MOV10: variants seen among roughly 807,000 people sequenced by gnomAD.
MOV10 encodes Mov10 RNA helicase.
MOV10 carries 39 observed loss-of-function variants against 108.4 expected under a neutral mutation model. That is an observed-to-expected ratio of 0.36 (90% CI 0.28 to 0.47). The LOEUF (loss-of-function observed/expected upper bound fraction) is 0.47. Among genes scored for constraint, MOV10 ranks in the 20% least tolerant of loss-of-function variants. The pLI is 1.00. For synonymous variants in MOV10, 490 were observed against 523.1 expected (o/e 0.94, Z 0.86); for missense variants, 952 against 1,297.6 (o/e 0.73, Z 4.09).
intron 2 of MOV10, among the ~76,000 whole-genome samples, chr1:112,687,674 A>G (rs1256043303): frequency 1.3e-5 from 2 of 152,150 alleles, no homozygotes; most frequent in East Asian, 3.9e-4. Flanking sequence ...ACTCTAGCAC[A>G]ATGAAACTGT....
chr1:112,689,393 CCT>C lies in MOV10; in HGVS notation c.342-21_342-20del. 6.8e-7 allele frequency: 1 copy of C among 1,466,970 alleles called. No individual in the cohort carries two copies. Among genetic ancestry groups the C allele is most frequent in the Non-Finnish European group, 9.6e-7 (1 of 1,046,770 alleles). 90.9% of individuals were successfully genotyped at this position (1,466,970 alleles called of 1,614,324 possible). On this transcript the variant is annotated intron_variant, in intron 3 of 20. Transcript: ENST00000369645. ...TCAGACCGCTCCCACCCCAACCCCCCCTTGACTCCCCTTCTCCCCAGGGCTGA... is the reference window on the plus strand; with the variant it reads ...TCAGACCGCTCCCACCCCAACCCCCCTGACTCCCCTTCTCCCCAGGGCTGA...
In MOV10 at chr1:112,675,062, C is replaced by A; in HGVS notation, c.137+13C>A. 1.3e-6 allele frequency: 2 copies of A among 1,584,266 alleles called. No homozygotes were observed. Among genetic ancestry groups the A allele is most frequent in the Admixed American group, 1.8e-5 (1 of 55,430 alleles). On this transcript the variant is annotated intron_variant, in intron 2 of 20. Transcript: ENST00000369645. This position sits in a 1 kb window ranked among gnomAD's most constrained non-coding sequence, Gnocchi z 4.7. ...ACTTCAAGATCAGGTACGGGCCGGC[C>A]CACTCCCGGCCCCGAATCGCGGGCC...
intron 17 of MOV10, 146 bp from the exon 18 acceptor site, chr1:112,699,539 T>C (rs1674438964): frequency 8.0e-6 from 12 of 1,491,620 alleles, no homozygotes; most frequent in Non-Finnish European, 8.0e-6. Flanking sequence ...CCCCTTTCCC[T>C]GGGCCGTGTC....
In MOV10 at chr1:112,700,679, TA is replaced by T; in HGVS notation, c.*174del. On this transcript the variant is annotated 3_prime_UTR_variant, in exon 21 of 21. Transcript: ENST00000369645. ...TGGGGAGAATGACACATCAAGCTGC[TA>T]ACAATTGGGGGAAGGGGAAGGAAGA... The T allele has an allele frequency of 6.5e-7, 1 of 1,530,626 alleles. No homozygotes were observed. The highest frequency in any genetic ancestry group is 8.7e-7 in the Non-Finnish European group (1 of 1,144,140). 94.8% of individuals were successfully genotyped at this position (1,530,626 alleles called of 1,614,324 possible).
rs570565165 is a variant in MOV10 at position 112,694,990 on chromosome 1, G to A, written c.1620+94G>A. The A allele has an allele frequency of 6.2e-4, 876 of 1,408,880 alleles. 1 individual carries two copies. The Middle Eastern group carries it at 8.0e-3, about 13-fold the overall frequency. 87.3% of individuals were successfully genotyped at this position (1,408,880 alleles called of 1,614,324 possible). A position where few individuals can be genotyped will look rare whatever the true frequency, so the allele number is the denominator to read the frequency against. On this transcript the variant is annotated intron_variant, in intron 10 of 20. Transcript: ENST00000369645. This position sits in a 1 kb window ranked among gnomAD's most constrained non-coding sequence, Gnocchi z 4.1. ...TCTAGTTCCTTCCCACTCCCGAAAT[G>A]CTCCTGCTTCTAAGCAGCCATCAGA...
At position 112,694,113 on chromosome 1, in the gene MOV10, A is replaced by G; in HGVS notation, c.1236A>G (p.Thr412=). The change falls in exon 8 of 21, where the codon ACA becomes ACG. Residue 412 remains threonine (T), a synonymous_variant. Transcript: ENST00000369645. This position sits in a 1 kb window ranked among gnomAD's most constrained non-coding sequence, Gnocchi z 4.1. ...AGACACACCAGGAGGACCCCATCACATATAAGGGCTTTGTGCACAAGGTGG... is the reference window on the plus strand; with the variant it reads ...AGACACACCAGGAGGACCCCATCACGTATAAGGGCTTTGTGCACAAGGTGG... ...SSETHQEDPI[T]YKGFVHKVEL... 1 of 1,614,008 alleles carries G rather than the reference A, an allele frequency of 6.2e-7. No individual in the cohort carries two copies.
Position 112,689,601 on chromosome 1 carries a change from G to C in MOV10, c.528G>C (p.Gln176His). 1 of 1,614,208 alleles carries C rather than the reference G, an allele frequency of 6.2e-7. No individual in the cohort carries two copies. Among genetic ancestry groups the C allele is most frequent in the Non-Finnish European group, 8.5e-7 (1 of 1,180,044 alleles). The change falls in exon 4 of 21, where the codon CAG (glutamine) becomes CAC (histidine). Residue 176 changes from glutamine to histidine, a missense_variant. Gln to His is a conservative substitution (Grantham distance 24, BLOSUM62 0). Coordinates refer to ENST00000369645, the MANE Select transcript of MOV10 (RefSeq NM_001321324.2). ...TCTTCCCACTCTGCCGGACACCCCAGTTTGCTTTCTACAATGAAGACCAGG... is the reference window on the plus strand; with the variant it reads ...TCTTCCCACTCTGCCGGACACCCCACTTTGCTTTCTACAATGAAGACCAGG... ...THLFPLCRTP[Q>H]FAFYNEDQEL...
Position 112,694,589 on chromosome 1 carries a change from CCT to C in MOV10, c.1434_1435del (p.Arg479GlyfsTer60). 1 of 1,611,904 alleles carries C rather than the reference CCT, an allele frequency of 6.2e-7. No homozygotes were observed. The highest frequency in any genetic ancestry group is 1.1e-5 in the South Asian group (1 of 90,820). The part of the protein sequence containing the change: ...LLWPMLFPVA[P>X]RDVPLLPSDV... ...GTGGCCCATGCTCTTTCCTGTGGCA[CCT>C]CGGGACGTCCCGCTGCTGCCCTCAG... is the stretch of plus-strand genomic sequence containing the variant. On this transcript the variant is annotated frameshift_variant, in exon 9 of 21. Coordinates refer to ENST00000369645, the MANE Select transcript of MOV10 (RefSeq NM_001321324.2). LOFTEE classifies it high-confidence loss of function. The surrounding 1 kb of genome is among the most constrained non-coding windows in gnomAD (Gnocchi z 4.1).
At chr1:112,700,102 C>T in intron 19 of MOV10, 117 bp from the exon 20 acceptor site, 1 of 1,583,912 alleles carries the variant, frequency 6.3e-7, no homozygotes, top group Non-Finnish European at 8.6e-7. Context: ...ATTTTCACAG[C>T]ATCACTATTG....
intron 2 of MOV10, among the ~76,000 whole-genome samples, chr1:112,687,958 G>T (rs938966764): frequency 1.3e-4 from 19 of 151,944 alleles, no homozygotes; most frequent in Admixed American, 1.2e-3. Flanking sequence ...TACACTTCGC[G>T]CTCCCTCTTG....
chr1:112,685,041 G>A (rs1025247802), intron 2 of MOV10: 4 of 151,984 alleles, frequency 2.6e-5, no homozygotes, highest in Non-Finnish European at 4.4e-5. Flanking sequence ...TTAGAGACAG[G>A]GTTACCCAAG....
chr1:112,684,080 A>G (rs1382997251), intron 2 of MOV10, among the ~76,000 whole-genome samples: 2 of 151,664 alleles, frequency 1.3e-5, no homozygotes, highest in African/African-American at 4.8e-5. Flanking sequence ...CCTCCTGAGT[A>G]GCTGGGACTA....
chr1:112,677,861 A>G (rs1462362325), intron 2 of MOV10, among the ~76,000 whole-genome samples: 2 of 152,064 alleles, frequency 1.3e-5, no homozygotes, highest in African/African-American at 4.8e-5. Flanking sequence ...TTATTTTATG[A>G]TGTTATAAAG....
intron 2 of MOV10, among the ~76,000 whole-genome samples, chr1:112,687,985 ACT>A (rs1272622733): frequency 6.6e-6 from 1 of 151,670 alleles, no homozygotes; most frequent in East Asian, 1.9e-4. Context: ...GGTAATGCCC[ACT>A]CATCCTCAGG....
At chr1:112,691,047 G>A (rs769419506) in intron 5 of MOV10, among the ~76,000 whole-genome samples, 1 of 151,896 alleles carries the variant, frequency 6.6e-6, no homozygotes, top group Non-Finnish European at 1.5e-5. Flanking sequence ...GGGAGGCTGA[G>A]GCGGGCAGAT....
intron 2 of MOV10, among the ~76,000 whole-genome samples, chr1:112,681,244 C>A (rs1672626922): frequency 6.6e-6 from 1 of 151,964 alleles, no homozygotes; most frequent in Admixed American, 6.6e-5. Flanking sequence ...GTAATCCCAG[C>A]ACTTTGGGAG....
Position 112,691,787 on chromosome 1 carries a change from T to G in MOV10, c.959T>G (p.Ile320Ser). The G allele has an allele frequency of 6.2e-7, 1 of 1,613,932 alleles. No homozygotes were observed. ...GTSIFTAPKE[I>S]AEIKAQLETA... Reference sequence around the variant, plus strand: ...AGTATCTTCACTGCCCCTAAGGAGATCGCAGAGATCAAGTAAGTACCATCC... The same window carrying G: ...AGTATCTTCACTGCCCCTAAGGAGAGCGCAGAGATCAAGTAAGTACCATCC... Residue 320 changes from isoleucine to serine, a missense_variant, in exon 6 of 21, where the codon ATC becomes AGC. Physicochemically the swap from Ile to Ser is moderately radical, Grantham distance 142. This residue lies in a region of MOV10 where 374 missense variants were observed against 468.6 expected (regional missense o/e 0.80). Coordinates refer to ENST00000369645, the MANE Select transcript of MOV10 (RefSeq NM_001321324.2).
At chr1:112,697,795 C>T in intron 14 of MOV10, 199 bp from the exon 15 acceptor site, 1 of 618,384 alleles carries the variant, frequency 1.6e-6, no homozygotes, top group Non-Finnish European at 2.9e-6. Context: ...GGACTAGATG[C>T]TCTCTGGAAC....
rs1673875413 is a variant in MOV10 at position 112,694,462 on chromosome 1, C to T, written c.1305C>T (p.Ser435=). Reference sequence around the variant, plus strand: ...CTCTCTCTGCCCAAAGCCTCCTGAGCCGCTTTGTGGATGGGCTGACCTTCA... The same window carrying T: ...CTCTCTCTGCCCAAAGCCTCCTGAGTCGCTTTGTGGATGGGCTGACCTTCA... ...VKLSFSMSLL[S]RFVDGLTFKV... is the part of the protein sequence containing the mutation. The change falls in exon 9 of 21, where the codon AGC becomes AGT. Residue 435 remains serine (S), a synonymous_variant. Transcript: ENST00000369645. The surrounding 1 kb of genome is among the most constrained non-coding windows in gnomAD (Gnocchi z 4.1). The T allele has an allele frequency of 6.2e-7, 1 of 1,614,084 alleles. No homozygotes were observed. The highest frequency in any genetic ancestry group is 1.3e-5 in the African/African-American group (1 of 75,042).
Sources: gnomAD v4.1 joint callset for allele counts (sites outside exome capture counted in the v4.1 genomes callset) on GRCh38, gnomAD v4.1.1 for gene constraint, gnomAD v4.1.1 regional missense constraint, Gnocchi (gnomAD v3.1) non-coding constraint, MANE v1.5 for transcripts, NCBI Gene and HGNC (gene_info 2026-07-23, HGNC 2026-07-21) for gene names.